Variants in BMS1 observed in about 807,000 individuals in gnomAD.
BMS1 encodes BMS1 ribosome biogenesis factor, also known as ribosome biogenesis protein BMS1 homolog.
A neutral mutation model predicts 138.7 loss-of-function variants in BMS1; 53 were observed. The observed-to-expected ratio is 0.38, with a 90% CI of 0.31 to 0.48. The LOEUF (loss-of-function observed/expected upper bound fraction) is 0.48, where lower values mean the gene tolerates loss of function less well. Ranked by LOEUF, BMS1 falls within the 20% of genes least tolerant of loss-of-function variation. BMS1 has a pLI of 0.97. For synonymous variants in BMS1, 504 were observed against 539.9 expected, an observed-to-expected ratio of 0.93 and a Z score of 0.92; for missense variants, 1,360 against 1,565.5, an observed-to-expected ratio of 0.87 and a Z score of 2.22.
intron 1 of BMS1, among the ~76,000 whole-genome samples, chr10:42,783,197 A>G (rs1841212097): frequency 6.6e-6 from 1 of 152,158 alleles, no homozygotes; most frequent in South Asian, 2.1e-4. Context: ...AATATAGCAG[A>G]GAAGAAACAT....
Position 42,791,655 on chromosome 10 carries a change from T to C in BMS1, c.665T>C (p.Met222Thr). The change falls in exon 6 of 23, where the codon ATG becomes ACG. Residue 222 changes from methionine to threonine, a missense_variant. Met to Thr is a moderately conservative substitution (Grantham distance 81). Around this residue, in one of 3 missense-constraint regions of BMS1, gnomAD observed 238 missense variants for 311.1 expected, o/e 0.77. Coordinates refer to ENST00000374518, the MANE Select transcript of BMS1 (RefSeq NM_014753.4). ...PGAKLFYLSG[M>T]VHGEYQNQEI... ...GCCAAGCTGTTCTACCTTTCTGGAA[T>C]GGTGCATGGAGAATATCAAAACCAA... is the stretch of plus-strand genomic sequence containing the variant. 6.2e-7 allele frequency: 1 copy of C among 1,612,220 alleles called. No individual in the cohort carries two copies. Among genetic ancestry groups the C allele is most frequent in the Non-Finnish European group, 8.5e-7 (1 of 1,179,394 alleles).
chr10:42,786,924 T>C (rs1320310751), intron 3 of BMS1, among the ~76,000 whole-genome samples: 1 of 152,220 alleles, frequency 6.6e-6, no homozygotes, highest in African/African-American at 2.4e-5. Context: ...ATTTTCCCTT[T>C]TTGAGCACTT....
chr10:42,812,298 G>A (rs1320754235), intron 13 of BMS1, among the ~76,000 whole-genome samples: 2 of 152,114 alleles, frequency 1.3e-5, no homozygotes, highest in African/African-American at 4.8e-5. Flanking sequence ...GGTGTGTGCC[G>A]CCACACTTGG....
intron 9 of BMS1, among the ~76,000 whole-genome samples, chr10:42,795,336 T>G (rs940266894): frequency 2.6e-5 from 4 of 152,154 alleles, no homozygotes; most frequent in African/African-American, 7.2e-5. Flanking sequence ...TCTTTTTTTT[T>G]TGTGACAAGA....
At chr10:42,829,175 G>C (rs1208865794) in intron 21 of BMS1, among the ~76,000 whole-genome samples, 1 of 152,128 alleles carries the variant, frequency 6.6e-6, no homozygotes, top group Admixed American at 6.5e-5. Context: ...AGCCAGGCGT[G>C]GTGGCGGGCG....
In BMS1 at chr10:42,816,606, C is replaced by G. The variant is rs1003710816; in HGVS notation, c.2337C>G (p.Leu779=). 9.3e-6 allele frequency: 15 copies of G among 1,610,416 alleles called. No individual in the cohort carries two copies. Among genetic ancestry groups the G allele is most frequent in the Non-Finnish European group, 1.2e-5 (14 of 1,179,420 alleles). ...AAKVLAEDEE[L]YGDFEDLETG... The stretch of plus-strand genomic sequence containing the variant: ...TGGGTGTTCTTTTCCCAGAGGAGCT[C>G]TACGGTGACTTTGAAGACTTGGAAA... The change falls in exon 14 of 23, where the codon CTC becomes CTG. Residue 779 remains leucine (L), a synonymous_variant. Transcript: ENST00000374518.
intron 13 of BMS1, among the ~76,000 whole-genome samples, chr10:42,809,736 T>C (rs375595017): frequency 1.1e-4 from 16 of 152,316 alleles, no homozygotes; most frequent in African/African-American, 3.8e-4. Flanking sequence ...TCAGTTGATA[T>C]GATCATCTGG....
chr10:42,806,798 T>C (rs1475924965), intron 13 of BMS1, among the ~76,000 whole-genome samples: 5 of 151,808 alleles, frequency 3.3e-5, no homozygotes. Flanking sequence ...TTGTGGTGTG[T>C]TTTTTCCTAA....
chr10:42,794,609 C>T (rs185304210), intron 9 of BMS1, among the ~76,000 whole-genome samples: 1 of 150,918 alleles, frequency 6.6e-6, no homozygotes, highest in Admixed American at 6.6e-5. Flanking sequence ...CTGACAGGTA[C>T]GAAGTGTTCG....
intron 13 of BMS1, among the ~76,000 whole-genome samples, chr10:42,802,549 T>C (rs1158936475): frequency 6.6e-6 from 1 of 152,074 alleles, no homozygotes; most frequent in African/African-American, 2.4e-5. Flanking sequence ...GTATGCATTG[T>C]GGAAAATTTC....
At chr10:42,786,141 G>T (rs1248942296) in intron 3 of BMS1, among the ~76,000 whole-genome samples, 5 of 152,204 alleles carry the variant, frequency 3.3e-5, no homozygotes, top group Non-Finnish European at 2.9e-5. Flanking sequence ...GAAGGGCCTA[G>T]CAGGCCTAGT....
chr10:42,783,149 A>G (rs926834450), intron 1 of BMS1, among the ~76,000 whole-genome samples: 13 of 152,054 alleles, frequency 8.5e-5, no homozygotes, highest in South Asian at 2.1e-4. Context: ...CCAAGAAGAA[A>G]GACAGGGAGA....
chr10:42,785,466 A>AT lies in BMS1; in HGVS notation c.177-10dup. The AT allele has an allele frequency of 6.4e-7, 1 of 1,569,006 alleles. No individual in the cohort carries two copies. The highest frequency in any genetic ancestry group is 8.6e-7 in the Non-Finnish European group (1 of 1,159,560). ...GAGTTTACTATTTATTTATTTGTTT[A>AT]TTTTTTAATGAATAGGACTCAGGAT... is the stretch of plus-strand genomic sequence containing the variant. On this transcript the variant is annotated splice_polypyrimidine_tract_variant and intron_variant, in intron 2 of 22. Transcript: ENST00000374518.
Position 42,834,115 on chromosome 10 carries a change from G to T in BMS1, c.*3019G>T, listed in dbSNP as rs943249223. The stretch of plus-strand genomic sequence containing the variant: ...TATTTACTAGGCACAGGCAGCCATA[G>T]GTGCTAGGTATGTTTTGAAAACATA... On this transcript the variant is annotated 3_prime_UTR_variant, in exon 23 of 23. Coordinates refer to ENST00000374518, the MANE Select transcript of BMS1 (RefSeq NM_014753.4). 1.3e-5 allele frequency: 2 copies of T among 152,170 alleles called. No homozygotes were observed. The highest frequency in any genetic ancestry group is 2.9e-5 in the Non-Finnish European group (2 of 68,038). 9.4% of individuals were successfully genotyped at this position (152,170 alleles called of 1,614,324 possible).
chr10:42,827,384 G>GT (rs1277628772), intron 21 of BMS1, among the ~76,000 whole-genome samples: 1 of 152,158 alleles, frequency 6.6e-6, no homozygotes, highest in Admixed American at 6.5e-5. Context: ...GCAGCTCAGT[G>GT]TAACAGTGGC....
chr10:42,787,904 G>T (rs142854632), intron 4 of BMS1, among the ~76,000 whole-genome samples: 1 of 152,168 alleles, frequency 6.6e-6, no homozygotes, highest in Non-Finnish European at 1.5e-5. Flanking sequence ...TCACTATTCT[G>T]ATAGTCTATT....
chr10:42,783,615 A>G (rs1841233046), intron 1 of BMS1, among the ~76,000 whole-genome samples: 1 of 152,032 alleles, frequency 6.6e-6, no homozygotes, highest in Non-Finnish European at 1.5e-5. Flanking sequence ...TCCTAAAATA[A>G]CTCACTAATT....
chr10:42,823,926 A>G (rs1178421310), intron 21 of BMS1, 142 bp downstream of exon 21: 4 of 760,072 alleles, frequency 5.3e-6, no homozygotes, highest in Non-Finnish European at 7.2e-6. Flanking sequence ...ACAGTTGTAT[A>G]TTTGTGGAAT....
In BMS1 at chr10:42,787,173, AAG is replaced by A. The variant is rs780540295; in HGVS notation, c.374_375del (p.Lys125ThrfsTer7). 1 of 1,176,054 alleles carries A rather than the reference AAG, an allele frequency of 8.5e-7. No homozygotes were observed. The allele number at this position is 1,176,054 out of a possible 1,614,324, so 72.9% of individuals were successfully genotyped here. A position where few individuals can be genotyped will look rare whatever the true frequency, so the allele number is the denominator to read the frequency against. On this transcript the variant is annotated frameshift_variant, in exon 4 of 23. Transcript: ENST00000374518. LOFTEE classifies it high-confidence loss of function. ...TTTCATCTTTTCACTTATAGGTAAAAAGCGCAGACTCACCATTATTGAATGTG... is the reference window on the plus strand; with the variant it reads ...TTTCATCTTTTCACTTATAGGTAAAACGCAGACTCACCATTATTGAATGTG... ...RGPVTIVSGK[K>X]RRLTIIECGC...
Sources: allele counts gnomAD v4.1 joint callset (sites outside exome capture counted in the v4.1 genomes callset), GRCh38; gene constraint gnomAD v4.1.1; regional missense constraint gnomAD v4.1.1; transcripts MANE v1.5; gene names NCBI Gene and HGNC (gene_info 2026-07-23, HGNC 2026-07-21).